The following BTBD8 variants were observed in gnomAD, a reference collection of about 807,000 sequenced individuals.
BTBD8 encodes BTB/POZ domain-containing protein 8.
In BTBD8, 110 loss-of-function variants were observed where a neutral mutation model predicts 162.9. The ratio of observed to expected loss-of-function variants is 0.68; its 90% confidence interval spans 0.58 to 0.79. The LOEUF (loss-of-function observed/expected upper bound fraction) is 0.79. Among genes scored for constraint, BTBD8 ranks in the 30% least tolerant of loss-of-function variants. BTBD8 has a pLI of 0.00. For missense variants in BTBD8, 1,905 were observed against 2,085.4 expected (o/e 0.91, Z 1.68); for synonymous variants, 667 against 716.1 (o/e 0.93, Z 1.10).
At chr1:92,118,282 C>CTTTTTTT (rs3040583) in intron 4 of BTBD8, among the ~76,000 whole-genome samples, 1 of 122,320 alleles carries the variant, frequency 8.2e-6, no homozygotes, top group African/African-American at 3.1e-5. Flanking sequence ...TTCAGACTTT[C>CTTTTTTT]TTTTTTTTTT....
chr1:92,093,902 G>A lies in BTBD8; in HGVS notation c.347+5007G>A, dbSNP rs114132741. Among the ~76,000 whole-genome samples the A allele has an allele frequency of 3.7e-3, 558 of 152,204 alleles. 4 individuals carry two copies. Among genetic ancestry groups the A allele is most frequent in the Non-Finnish European group, 4.5e-3 (305 of 67,996 alleles). ...ATGTATGTTTAAAAGAAGATCCTTG[G>A]CATAGATCAAATTTTTATACATTAG... On this transcript the variant is annotated intron_variant, in intron 2 of 17. Transcript: ENST00000636805.
intron 4 of BTBD8, among the ~76,000 whole-genome samples, chr1:92,120,319 C>T (rs958552440): frequency 6.6e-6 from 1 of 152,198 alleles, no homozygotes; most frequent in African/African-American, 2.4e-5. Context: ...TCCCTTCCGC[C>T]TCCACATCAT....
At chr1:92,090,499 G>C (rs1648266792) in intron 2 of BTBD8, among the ~76,000 whole-genome samples, 1 of 151,988 alleles carries the variant, frequency 6.6e-6, no homozygotes, top group South Asian at 2.1e-4. Context: ...TTATATTATT[G>C]ACTTCTAAGT....
In BTBD8 at chr1:92,184,323, A is replaced by G; in HGVS notation, c.5372A>G (p.Gln1791Arg). The change falls in exon 18 of 18, where the codon CAG (glutamine) becomes CGG (arginine). Residue 1791 changes from glutamine to arginine, a missense_variant. Transcript: ENST00000636805. ...GEWTILELETQH is the reference protein window; with the variant it reads ...GEWTILELETRH ...TGGACAATTCTGGAACTGGAAACTC[A>G]GCATTAAGTGTTAACATTTTGGAAA... 1 of 1,546,284 alleles carries G rather than the reference A, an allele frequency of 6.5e-7. No homozygotes were observed. Among genetic ancestry groups the G allele is most frequent in the Non-Finnish European group, 8.7e-7 (1 of 1,144,042 alleles).
Position 92,088,795 on chromosome 1 carries a change from T to G in BTBD8, c.247T>G (p.Phe83Val). The stretch of plus-strand genomic sequence containing the variant: ...AGTCCTTTTAGCAAGAGTTCCTGAC[T>G]TCTATTTTCATACTATTGGACAGAC... ...KAVLLARVPD[F>V]YFHTIGQTSN... Residue 83 changes from phenylalanine to valine, a missense_variant, in exon 2 of 18, where the codon TTC becomes GTC. Physicochemically the swap from Phe to Val is conservative, Grantham distance 50. Around this residue, in one of 3 missense-constraint regions of BTBD8, gnomAD observed 1,374 missense variants for 1,442.7 expected, o/e 0.95. Transcript: ENST00000636805. 1 of 1,613,386 alleles carries G rather than the reference T, an allele frequency of 6.2e-7. No homozygotes were observed. The highest frequency in any genetic ancestry group is 8.5e-7 in the Non-Finnish European group (1 of 1,179,546).
intron 4 of BTBD8, among the ~76,000 whole-genome samples, chr1:92,117,469 C>A (rs1649074560): frequency 6.6e-6 from 1 of 151,580 alleles, no homozygotes; most frequent in Admixed American, 6.6e-5. Context: ...TGTTGTAAAG[C>A]CTTTCTACTG....
chr1:92,086,799 G>A (rs1373053748), intron 1 of BTBD8, among the ~76,000 whole-genome samples: 1 of 152,166 alleles, frequency 6.6e-6, no homozygotes, highest in African/African-American at 2.4e-5. Flanking sequence ...TTCTACATGT[G>A]ATGACTTAGC....
At chr1:92,097,230 C>T (rs187342771) in intron 2 of BTBD8, among the ~76,000 whole-genome samples, 277 of 152,176 alleles carry the variant, frequency 1.8e-3, no homozygotes, top group Non-Finnish European at 3.4e-3. Context: ...TTTTCTCCCC[C>T]GCCTAAAAAA....
chr1:92,089,826 C>G (rs1215468914), intron 2 of BTBD8, among the ~76,000 whole-genome samples: 1 of 152,102 alleles, frequency 6.6e-6, no homozygotes, highest in Non-Finnish European at 1.5e-5. Flanking sequence ...ACATTCAGAC[C>G]ATAGTAACTT....
chr1:92,080,401 C>T lies in BTBD8; in HGVS notation c.-171C>T. The T allele has an allele frequency of 7.3e-6, 7 of 958,770 alleles. No homozygotes were observed. Among genetic ancestry groups the T allele is most frequent in the Non-Finnish European group, 8.9e-6 (6 of 674,016 alleles). The allele number at this position is 958,770 out of a possible 1,614,324, so 59.4% of individuals were successfully genotyped here. A position where few individuals can be genotyped will look rare whatever the true frequency, so the allele number is the denominator to read the frequency against. ...GATTCTGAGGCTCCCCACCGCGGTC[C>T]GGCTTCTCTGGGAGACTGTCTACAA... On this transcript the variant is annotated 5_prime_UTR_variant, in exon 1 of 18. Coordinates refer to ENST00000636805, the MANE Select transcript of BTBD8 (RefSeq NM_001376131.1).
At position 92,183,848 on chromosome 1, in the gene BTBD8, T is replaced by G; in HGVS notation, c.4913-16T>G. 5 of 1,530,722 alleles carry G rather than the reference T, an allele frequency of 3.3e-6. No individual in the cohort carries two copies. Among genetic ancestry groups the G allele is most frequent in the Non-Finnish European group, 4.4e-6 (5 of 1,133,564 alleles). The allele number at this position is 1,530,722 out of a possible 1,614,324, so 94.8% of individuals were successfully genotyped here. A position where few individuals can be genotyped will look rare whatever the true frequency, so the allele number is the denominator to read the frequency against. On this transcript the variant is annotated splice_polypyrimidine_tract_variant and intron_variant, in intron 17 of 17. Transcript: ENST00000636805. The stretch of plus-strand genomic sequence containing the variant: ...CGTGCAATTTTTACATTGTGTAGTA[T>G]TATGAATTATTTCAGGAGACATAGA...
intron 13 of BTBD8, among the ~76,000 whole-genome samples, chr1:92,172,173 G>A (rs1283027373): frequency 6.6e-6 from 1 of 152,104 alleles, no homozygotes; most frequent in African/African-American, 2.4e-5. Context: ...GTACAACTGT[G>A]TTTTACTTTA....
intron 3 of BTBD8, among the ~76,000 whole-genome samples, chr1:92,107,330 G>T (rs1648760265): frequency 6.6e-6 from 1 of 152,070 alleles, no homozygotes; most frequent in African/African-American, 2.4e-5. Context: ...GTACAGTCAT[G>T]TGCTGCATAA....
intron 9 of BTBD8, among the ~76,000 whole-genome samples, chr1:92,149,481 G>A (rs1379052125): frequency 1.3e-5 from 2 of 152,184 alleles, no homozygotes; most frequent in South Asian, 2.1e-4. Context: ...ATGGTTTTAA[G>A]AGATGTATAT....
At chr1:92,099,349 C>A (rs1422765984) in intron 2 of BTBD8, among the ~76,000 whole-genome samples, 3 of 150,596 alleles carry the variant, frequency 2.0e-5, no homozygotes, top group Non-Finnish European at 4.4e-5. Context: ...TTGTTATTTG[C>A]AAGATTGTTT....
chr1:92,180,434 G>A lies in BTBD8; in HGVS notation c.2751G>A (p.Val917=), dbSNP rs1283820339. The A allele has an allele frequency of 2.6e-6, 4 of 1,551,086 alleles. No homozygotes were observed. Among genetic ancestry groups the A allele is most frequent in the Non-Finnish European group, 3.5e-6 (4 of 1,146,856 alleles). The change falls in exon 17 of 18, where the codon GTG becomes GTA. Residue 917 remains valine (V), a synonymous_variant. Transcript: ENST00000636805. Reference sequence around the variant, plus strand: ...TGCCTAAGGTTAATGCAAAAATAGTGGCAATGCCTAAAAATCTAAATCAGT... The same window carrying A: ...TGCCTAAGGTTAATGCAAAAATAGTAGCAATGCCTAAAAATCTAAATCAGT... ...TALPKVNAKI[V]AMPKNLNQSK...
chr1:92,177,825 C>A lies in BTBD8; in HGVS notation c.2368C>A (p.Pro790Thr). Residue 790 changes from proline to threonine, a missense_variant, in exon 15 of 18, where the codon CCT becomes ACT. Around this residue, in one of 3 missense-constraint regions of BTBD8, gnomAD observed 1,374 missense variants for 1,442.7 expected, o/e 0.95. Coordinates refer to ENST00000636805, the MANE Select transcript of BTBD8 (RefSeq NM_001376131.1). ...KNSTVAIKSR[P>T]VSRVTNGTSN... ...TTAATTTATAGCCATAAAATCTCGA[C>A]CTGTTTCAAGAGTTACCAATGGAAC... The A allele has an allele frequency of 6.5e-7, 1 of 1,535,412 alleles. No individual in the cohort carries two copies. Among genetic ancestry groups the A allele is most frequent in the Non-Finnish European group, 8.8e-7 (1 of 1,133,468 alleles).
chr1:92,180,247 C>A lies in BTBD8; in HGVS notation c.2582-18C>A, dbSNP rs1385580913. 2.0e-6 allele frequency: 3 copies of A among 1,503,354 alleles called. No individual in the cohort carries two copies. Among genetic ancestry groups the A allele is most frequent in the African/African-American group, 1.4e-5 (1 of 70,738 alleles). The allele number at this position is 1,503,354 out of a possible 1,614,324, so 93.1% of individuals were successfully genotyped here. A position where few individuals can be genotyped will look rare whatever the true frequency, so the allele number is the denominator to read the frequency against. On this transcript the variant is annotated intron_variant, in intron 16 of 17. Coordinates refer to ENST00000636805, the MANE Select transcript of BTBD8 (RefSeq NM_001376131.1). Reference sequence around the variant, plus strand: ...AGGTGATATTACATTACTGAATATACCCTCTTACTTTTCTTAGGATCCCAA... The same window carrying A: ...AGGTGATATTACATTACTGAATATAACCTCTTACTTTTCTTAGGATCCCAA...
chr1:92,083,230 G>GA (rs1229739017), intron 1 of BTBD8, among the ~76,000 whole-genome samples: 2 of 151,748 alleles, frequency 1.3e-5, no homozygotes, highest in Non-Finnish European at 2.9e-5. Context: ...CACATAACCA[G>GA]AATATGAACC....
Sources: allele counts gnomAD v4.1 joint callset (sites outside exome capture counted in the v4.1 genomes callset), GRCh38; gene constraint gnomAD v4.1.1; regional missense constraint gnomAD v4.1.1; transcripts MANE v1.5; gene names NCBI Gene and HGNC (gene_info 2026-07-23, HGNC 2026-07-21).